Variants in TOP3B observed in about 807,000 individuals in gnomAD.
TOP3B encodes DNA topoisomerase 3-beta-1.
TOP3B carries 45 observed loss-of-function variants against 93.9 expected under a neutral mutation model. That is an observed-to-expected ratio of 0.48 (90% CI 0.38 to 0.61). The LOEUF (loss-of-function observed/expected upper bound fraction) is 0.61, where lower values mean the gene tolerates loss of function less well. Ranked by LOEUF, TOP3B falls within the 20% of genes least tolerant of loss-of-function variation. The probability of loss-of-function intolerance (pLI) is 0.00; values close to 1 mark genes in which losing one functional copy is unlikely to be tolerated. For synonymous variants in TOP3B, 357 were observed against 472.6 expected, an observed-to-expected ratio of 0.76 and a Z score of 3.17; for missense variants, 750 against 1,156.1, an observed-to-expected ratio of 0.65 and a Z score of 5.09.
Position 21,964,290 on chromosome 22 carries a change from C to G in TOP3B, c.969G>C (p.Gln323His). The change falls in exon 10 of 18, where the codon CAG becomes CAC. Residue 323 changes from glutamine to histidine, a missense_variant. Physicochemically the swap from Gln to His is conservative, Grantham distance 24. Transcript: ENST00000357179. The stretch of plus-strand genomic sequence containing the variant: ...CTTGCGTGTAGAGCCGCTCAGCCGT[C>G]TGCATGGCGTGCTGCGGCCCCATGC... ...SLGMGPQHAM[Q>H]TAERLYTQGY... 6.2e-7 allele frequency: 1 copy of G among 1,614,032 alleles called. No homozygotes were observed. The highest frequency in any genetic ancestry group is 8.5e-7 in the Non-Finnish European group (1 of 1,180,014).
At chr22:21,977,096 C>G (rs2071904295) in intron 1 of TOP3B, 1 of 151,908 alleles carries the variant, frequency 6.6e-6, no homozygotes, top group Non-Finnish European at 1.5e-5. Context: ...GGATCGCTTG[C>G]TTGAGGCCAG....
intron 8 of TOP3B, chr22:21,967,335 GGA>G (rs895302247): frequency 2.4e-6 from 1 of 422,452 alleles, no homozygotes; most frequent in Non-Finnish European, 4.3e-6. Context: ...CGTGGAAAGG[GGA>G]GAGTGGAAGG....
At chr22:21,959,800 C>T (rs927187259) in intron 14 of TOP3B, 64 bp from the exon 15 acceptor site, 1 of 1,573,824 alleles carries the variant, frequency 6.4e-7, no homozygotes, top group Non-Finnish European at 8.6e-7. Context: ...GCCACCCCTT[C>T]CCAGGCAGGG....
intron 1 of TOP3B, among the ~76,000 whole-genome samples, chr22:21,980,633 G>A (rs2084609607): frequency 6.6e-6 from 1 of 152,254 alleles, no homozygotes; most frequent in Admixed American, 6.5e-5. Flanking sequence ...CCGAGGCCTT[G>A]TGGAATGACG....
chr22:21,960,566 C>T (rs560233002), intron 13 of TOP3B, 117 bp from the exon 14 acceptor site: 266 of 1,419,518 alleles, frequency 1.9e-4, no homozygotes, highest in Non-Finnish European at 2.5e-4. Context: ...TGCTCCCGGT[C>T]ACAGGAGGGA....
chr22:21,960,611 G>A (rs1368217308), intron 13 of TOP3B, 162 bp from the exon 14 acceptor site: 1 of 904,474 alleles, frequency 1.1e-6, no homozygotes, highest in Non-Finnish European at 1.7e-6. Flanking sequence ...CACTGTGCTG[G>A]GCACCAACTG....
intron 1 of TOP3B, among the ~76,000 whole-genome samples, chr22:21,979,739 A>C (rs960905161): frequency 2.0e-5 from 3 of 151,698 alleles, no homozygotes; most frequent in African/African-American, 7.3e-5. Context: ...CAGGAGATCA[A>C]GACCATCCTG....
Position 21,964,231 on chromosome 22 carries a change from T to C in TOP3B, c.1028A>G (p.His343Arg), listed in dbSNP as rs1282144407. The C allele has an allele frequency of 3.1e-6, 5 of 1,614,012 alleles. No individual in the cohort carries two copies. The highest frequency in any genetic ancestry group is 3.3e-5 in the Admixed American group (2 of 60,010). The stretch of plus-strand genomic sequence containing the variant: ...CTTCAGGTCAAAGTTCTCAGGGTAG[T>C]GGGTGGTCTCTGTCCGTGGGTAGCT... ...YISYPRTETTHYPENFDLKGS... is the reference protein window; with the variant it reads ...YISYPRTETTRYPENFDLKGS... The change falls in exon 10 of 18, where the codon CAC becomes CGC. Residue 343 changes from histidine (H) to arginine (R), a missense_variant. Physicochemically the swap from His to Arg is conservative, Grantham distance 29. This residue lies in a region of TOP3B where 737 missense variants were observed against 933.7 expected (regional missense o/e 0.79). Transcript: ENST00000357179.
intron 6 of TOP3B, 63 bp from the exon 7 acceptor site, chr22:21,968,838 T>C (rs1413387165): frequency 1.3e-6 from 2 of 1,587,444 alleles, no homozygotes; most frequent in South Asian, 1.1e-5. Context: ...TGGCCACCCA[T>C]GTGAGTCCAG....
intron 17 of TOP3B, chr22:21,957,966 G>A (rs1160901234): frequency 1.4e-6 from 2 of 1,390,988 alleles, no homozygotes; most frequent in African/African-American, 2.9e-5. Flanking sequence ...GCAGGGATGG[G>A]GTCTCACTCC....
Position 21,959,672 on chromosome 22 carries a change from C to T in TOP3B, c.1719G>A (p.Gln573=). 1.2e-6 allele frequency: 2 copies of T among 1,613,756 alleles called. No individual in the cohort carries two copies. The highest frequency in any genetic ancestry group is 2.2e-5 in the South Asian group (2 of 91,086). The change falls in exon 15 of 18, where the codon CAG becomes CAA. Residue 573 remains glutamine (Q), a synonymous_variant. Coordinates refer to ENST00000357179, the MANE Select transcript of TOP3B (RefSeq NM_001282112.2). The stretch of plus-strand genomic sequence containing the variant: ...GGACCTGGCGGTAGTCGGCCTTGCC[C>T]TGGGCGATCAGGTTCAGCTGCTTCT... ...AVEKQLNLIA[Q]GKADYRQVLG...
chr22:21,969,933 T>A (rs1236340416), intron 6 of TOP3B: 1 of 82,398 alleles, frequency 1.2e-5, no homozygotes, highest in African/African-American at 1.3e-4. Flanking sequence ...AAAAATAATT[T>A]TTTTTTTTTT....
rs186113403 is a variant in TOP3B at position 21,975,762 on chromosome 22, T to G, written c.-53A>C. ...TCGGGGCACTGGCAATGAAAAAGTT[T>G]AGACTCCACTCTTCCGCAGCACAGC... On this transcript the variant is annotated 5_prime_UTR_variant, in exon 2 of 18. Coordinates refer to ENST00000357179, the MANE Select transcript of TOP3B (RefSeq NM_001282112.2). 1.9e-4 allele frequency: 303 copies of G among 1,579,882 alleles called. No homozygotes were observed. The African/African-American group carries it at 2.6e-3, about 13-fold the overall frequency.
At chr22:21,959,269 C>T in intron 15 of TOP3B, 37 bp from the exon 16 acceptor site, 1 of 1,606,602 alleles carries the variant, frequency 6.2e-7, no homozygotes, top group Non-Finnish European at 8.5e-7. Context: ...ATCTCCCTCC[C>T]AGTCCCCAGC....
chr22:21,982,393 C>T (rs5750301), intron 1 of TOP3B: 6,468 of 152,340 alleles, frequency 0.042, 310 homozygotes, highest in East Asian at 0.22. Flanking sequence ...GCACAGCTTC[C>T]CTGAGCCTCA....
chr22:21,958,420 G>C, intron 17 of TOP3B, 72 bp downstream of exon 17: 1 of 1,607,670 alleles, frequency 6.2e-7, no homozygotes, highest in South Asian at 1.1e-5. Context: ...AGTCCAGCCT[G>C]GTGCAAGGCA....
intron 3 of TOP3B, chr22:21,973,216 C>T (rs929435625): frequency 5.4e-6 from 1 of 186,194 alleles, no homozygotes; most frequent in African/African-American, 2.4e-5. Context: ...AGCACATTCA[C>T]CTACTCATCT....
At chr22:21,982,014 A>C (rs2084642672) in intron 1 of TOP3B, among the ~76,000 whole-genome samples, 1 of 152,096 alleles carries the variant, frequency 6.6e-6, no homozygotes, top group Non-Finnish European at 1.5e-5. Context: ...GCAACCCCAT[A>C]AGGCAGGTGT....
chr22:21,980,716 A>G (rs1359920336), intron 1 of TOP3B, among the ~76,000 whole-genome samples: 1 of 152,044 alleles, frequency 6.6e-6, no homozygotes, highest in Non-Finnish European at 1.5e-5. Context: ...CTGCGCACCC[A>G]CCTTTCCTCC....
Sources: allele counts gnomAD v4.1 joint callset (sites outside exome capture counted in the v4.1 genomes callset), GRCh38; gene constraint gnomAD v4.1.1; regional missense constraint gnomAD v4.1.1; transcripts MANE v1.5; gene names NCBI Gene and HGNC (gene_info 2026-07-23, HGNC 2026-07-21).